CWC22: variants seen among roughly 807,000 people sequenced by gnomAD.
CWC22 encodes the protein CWC22 spliceosome associated protein.
CWC22 carries 53 observed loss-of-function variants against 117.2 expected under a neutral mutation model. The observed-to-expected ratio is 0.45, with a 90% CI of 0.36 to 0.57. CWC22 has a LOEUF of 0.57. Ranked by LOEUF, CWC22 falls within the 20% of genes least tolerant of loss-of-function variation. The pLI is 0.00. For missense variants in CWC22, 980 were observed against 1,068.8 expected (o/e 0.92, Z 1.16); for synonymous variants, 360 against 355.6 (o/e 1.01, Z -0.14).
intron 1 of CWC22, among the ~76,000 whole-genome samples, chr2:179,993,799 T>TA (rs1026277202): frequency 6.6e-5 from 10 of 151,812 alleles, no homozygotes; most frequent in African/African-American, 1.2e-4. Context: ...GTGATATTAT[T>TA]AAAAAAAACC....
chr2:179,959,379 T>C (rs1163036299), intron 13 of CWC22, among the ~76,000 whole-genome samples: 1 of 152,096 alleles, frequency 6.6e-6, no homozygotes, highest in Non-Finnish European at 1.5e-5. Context: ...ACACAGAAAG[T>C]AGATTAAATG....
chr2:179,966,255 T>C (rs989442601), intron 11 of CWC22, among the ~76,000 whole-genome samples: 1 of 152,146 alleles, frequency 6.6e-6, no homozygotes, highest in East Asian at 1.9e-4. Context: ...AAGTAGACGA[T>C]GGTTTTTGAA....
rs1410281682 is a variant in CWC22 at position 179,973,643 on chromosome 2, T to C, written c.741A>G (p.Arg247=). 3.1e-6 allele frequency: 5 copies of C among 1,594,304 alleles called. No individual in the cohort carries two copies. Among genetic ancestry groups the C allele is most frequent in the Non-Finnish European group, 3.4e-6 (4 of 1,167,344 alleles). ...LILNFRKGYR[R]NDKQLCLTAS... ...AGCCATTCATATATACCTTGTCATT[T>C]CTTCGATAGCCTTTTCGAAAATTAA... The change falls in exon 7 of 20, where the codon AGA becomes AGG. Residue 247 remains arginine (R), a synonymous_variant. Coordinates refer to ENST00000410053, the MANE Select transcript of CWC22 (RefSeq NM_020943.3).
At chr2:179,946,085 G>C (rs1414935789) in intron 19 of CWC22, among the ~76,000 whole-genome samples, 2 of 152,070 alleles carry the variant, frequency 1.3e-5, no homozygotes, top group East Asian at 3.9e-4. Flanking sequence ...GTTTCTCCCT[G>C]TTGGTCAGGC....
At chr2:179,970,374 G>A (rs951716279) in intron 11 of CWC22, 127 bp downstream of exon 11, 2 of 1,028,812 alleles carry the variant, frequency 1.9e-6, no homozygotes, top group Middle Eastern at 6.7e-4. Context: ...AAACAGCTAA[G>A]AGAATAACTT....
At chr2:179,982,266 G>A (rs1335292438) in intron 4 of CWC22, among the ~76,000 whole-genome samples, 3 of 152,164 alleles carry the variant, frequency 2.0e-5, no homozygotes, top group African/African-American at 7.2e-5. Flanking sequence ...AATAATTATT[G>A]AAAGACTGAG....
At chr2:179,966,696 C>T (rs1300972971) in intron 11 of CWC22, among the ~76,000 whole-genome samples, 1 of 152,106 alleles carries the variant, frequency 6.6e-6, no homozygotes, top group Non-Finnish European at 1.5e-5. Flanking sequence ...ATGTTAAAAG[C>T]AAACAAATGA....
At chr2:179,966,159 T>C (rs1686885190) in intron 11 of CWC22, among the ~76,000 whole-genome samples, 177 bp from the exon 12 acceptor site, 1 of 151,920 alleles carries the variant, frequency 6.6e-6, no homozygotes, top group Admixed American at 6.6e-5. Flanking sequence ...GCATTATAAC[T>C]GATTTGACTA....
intron 1 of CWC22, among the ~76,000 whole-genome samples, chr2:180,000,690 C>T (rs981901036): frequency 2.6e-5 from 4 of 152,068 alleles, no homozygotes; most frequent in Non-Finnish European, 4.4e-5. Context: ...AGAAGTTGTG[C>T]AGACAGTTCT....
At chr2:180,005,916 T>C (rs1392389128) in intron 1 of CWC22, among the ~76,000 whole-genome samples, 2 of 152,198 alleles carry the variant, frequency 1.3e-5, no homozygotes, top group African/African-American at 4.8e-5. Flanking sequence ...GGTCTACTAG[T>C]CCATCACCCA....
chr2:179,984,796 A>G (rs1044077301), intron 4 of CWC22, among the ~76,000 whole-genome samples: 2 of 152,042 alleles, frequency 1.3e-5, no homozygotes, highest in Non-Finnish European at 2.9e-5. Flanking sequence ...AAAATACTAA[A>G]ATAATGTTAG....
intron 19 of CWC22, among the ~76,000 whole-genome samples, chr2:179,947,736 A>C (rs1686345203): frequency 6.6e-6 from 1 of 152,262 alleles, no homozygotes; most frequent in Non-Finnish European, 1.5e-5. Flanking sequence ...AATTAAAAAA[A>C]CAGCCCCACA....
chr2:179,989,431 A>G (rs1040798661), intron 2 of CWC22, among the ~76,000 whole-genome samples: 1 of 152,032 alleles, frequency 6.6e-6, no homozygotes, highest in African/African-American at 2.4e-5. Context: ...CCACAACTTT[A>G]GTACAGGGTA....
chr2:179,986,039 G>A (rs925110027), intron 4 of CWC22, among the ~76,000 whole-genome samples: 1 of 152,036 alleles, frequency 6.6e-6, no homozygotes, highest in Non-Finnish European at 1.5e-5. Context: ...GGCACTTAAT[G>A]TCTGACTCTT....
intron 1 of CWC22, among the ~76,000 whole-genome samples, chr2:180,003,967 G>A (rs1327107693): frequency 2.0e-5 from 3 of 152,190 alleles, no homozygotes; most frequent in African/African-American, 7.2e-5. Flanking sequence ...GTCCACTTGG[G>A]AAATGTACAT....
rs113490565 is a variant in CWC22 at position 179,948,335 on chromosome 2, T to C, written c.2140+2177A>G. The stretch of plus-strand genomic sequence containing the variant: ...AGGGAAGAGGGACAATACTTTCTTA[T>C]AGAAGAAATTCAATTACTAGATGTA... On this transcript the variant is annotated intron_variant, in intron 19 of 19. Coordinates refer to ENST00000410053, the MANE Select transcript of CWC22 (RefSeq NM_020943.3). 9.7e-3 allele frequency among the ~76,000 whole-genome samples: 1,482 copies of C among 152,196 alleles called. 23 individuals are homozygous for C. Among genetic ancestry groups the C allele is most frequent in the African/African-American group, 0.029 (1,200 of 41,524 alleles).
At chr2:179,974,440 G>A (rs534973249) in intron 6 of CWC22, among the ~76,000 whole-genome samples, 127 of 152,244 alleles carry the variant, frequency 8.3e-4, no homozygotes, top group Non-Finnish European at 1.5e-3. Context: ...ATGAGGAAGG[G>A]GAAAGGCAAA....
chr2:180,002,197 C>CTTAAATCTT (rs1687865272), intron 1 of CWC22, among the ~76,000 whole-genome samples: 3 of 152,154 alleles, frequency 2.0e-5, no homozygotes, highest in African/African-American at 7.2e-5. Flanking sequence ...CATCTTAAAC[C>CTTAAATCTT]AGCTCTTCTT....
At chr2:179,945,836 A>G (rs1165311708) in intron 19 of CWC22, 121 bp from the exon 20 acceptor site, 4 of 609,176 alleles carry the variant, frequency 6.6e-6, no homozygotes, top group Non-Finnish European at 1.1e-5. Context: ...TGCAAAGCCA[A>G]ATTGATTGAA....
Sources: gnomAD v4.1 joint callset for allele counts (sites outside exome capture counted in the v4.1 genomes callset) on GRCh38, gnomAD v4.1.1 for gene constraint, MANE v1.5 for transcripts, NCBI Gene and HGNC (gene_info 2026-07-23, HGNC 2026-07-21) for gene names.